TMEM135: variants seen among roughly 807,000 people sequenced by gnomAD.
TMEM135 encodes the protein peroxisomal membrane protein 52.
Under a neutral mutation model 60.3 loss-of-function variants are expected in TMEM135, and 30 were observed. The ratio of observed to expected loss-of-function variants is 0.50; its 90% CI spans 0.37 to 0.68. The LOEUF (loss-of-function observed/expected upper bound fraction) is 0.68. Ranked by LOEUF, TMEM135 falls within the 30% of genes least tolerant of loss-of-function variation. The pLI, the probability that TMEM135 is intolerant of heterozygous loss-of-function variation, is 0.00. For synonymous variants in TMEM135, 190 were observed against 186.7 expected, an observed-to-expected ratio of 1.02 and a Z score of -0.14; for missense variants, 468 against 548.8, an observed-to-expected ratio of 0.85 and a Z score of 1.47.
intron 4 of TMEM135, among the ~76,000 whole-genome samples, chr11:87,134,076 G>A (rs1938018021): frequency 6.6e-6 from 1 of 151,834 alleles, no homozygotes; most frequent in Non-Finnish European, 1.5e-5. Flanking sequence ...GCCATAACAA[G>A]TAACACAGAC....
intron 6 of TMEM135, among the ~76,000 whole-genome samples, chr11:87,284,677 T>C (rs73529596): frequency 7.0e-4 from 106 of 152,332 alleles, no homozygotes; most frequent in African/African-American, 2.5e-3. Context: ...GAAAATAATA[T>C]TTTTAATACA....
In TMEM135 at chr11:87,091,393, T is replaced by G. The variant is rs756583197; in HGVS notation, c.394T>G (p.Leu132Val). The G allele has an allele frequency of 6.2e-7, 1 of 1,612,284 alleles. No individual in the cohort carries two copies. Among genetic ancestry groups the G allele is most frequent in the Non-Finnish European group, 8.5e-7 (1 of 1,178,946 alleles). Residue 132 changes from leucine to valine, a missense_variant and splice_region_variant, in exon 4 of 15, where the codon TTG (leucine) becomes GTG (valine). Transcript: ENST00000305494. Reference protein sequence around the residue: ...RGLLTIYMANLATETLFRMGV... With the variant: ...RGLLTIYMANVATETLFRMGV... ...GCTGCTCACAATTTATATGGCCAAC[T>G]TGGTAAGTATTTTGTTTTAACCTTT...
intron 5 of TMEM135, among the ~76,000 whole-genome samples, chr11:87,222,169 G>C (rs1163173730): frequency 1.1e-5 from 1 of 93,790 alleles, no homozygotes; most frequent in Non-Finnish European, 2.1e-5. Flanking sequence ...GCGAAAGAGC[G>C]AGACTCTGTC....
intron 3 of TMEM135, among the ~76,000 whole-genome samples, chr11:87,083,947 TATA>T (rs1289067532): frequency 6.6e-6 from 1 of 152,104 alleles, no homozygotes; most frequent in African/African-American, 2.4e-5. Flanking sequence ...TTATAGAACA[TATA>T]ATTATTTTTA....
Position 87,326,559 on chromosome 11 carries a change from G to T in TMEM135, c.*5226G>T, listed in dbSNP as rs1942915307. The T allele has an allele frequency of 2.2e-6, 1 of 453,942 alleles. No individual in the cohort carries two copies. The highest frequency in any genetic ancestry group is 4.4e-6 in the Non-Finnish European group (1 of 226,772). The allele number at this position is 453,942 out of a possible 1,614,324, so 28.1% of individuals were successfully genotyped here. A position where few individuals can be genotyped will look rare whatever the true frequency, so the allele number is the denominator to read the frequency against. ...TCATTATGGGATTGGATGCCAAAAGGAATGGGAGAGAAGAGACTATAAACA... is the reference window on the plus strand; with the variant it reads ...TCATTATGGGATTGGATGCCAAAAGTAATGGGAGAGAAGAGACTATAAACA... On this transcript the variant is annotated 3_prime_UTR_variant, in exon 15 of 15. Transcript: ENST00000305494.
At chr11:87,254,010 G>A (rs1941473930) in intron 6 of TMEM135, among the ~76,000 whole-genome samples, 1 of 151,982 alleles carries the variant, frequency 6.6e-6, no homozygotes. Flanking sequence ...AAGCATTTCT[G>A]TTTTGAGCAA....
chr11:87,157,705 T>A (rs1938740176), intron 5 of TMEM135: 2 of 305,846 alleles, frequency 6.5e-6, no homozygotes, highest in African/African-American at 4.4e-5. Context: ...AAAGAATTCC[T>A]TAGCTTTTGC....
intron 5 of TMEM135, among the ~76,000 whole-genome samples, chr11:87,215,515 G>T (rs1335236133): frequency 1.4e-4 from 21 of 152,134 alleles, no homozygotes; most frequent in Admixed American, 1.4e-3. Context: ...TGTCATTGTT[G>T]CCTCTCATCC....
At chr11:87,242,683 A>C (rs999706075) in intron 6 of TMEM135, among the ~76,000 whole-genome samples, 2 of 143,704 alleles carry the variant, frequency 1.4e-5, no homozygotes, top group African/African-American at 5.2e-5. Context: ...TCCTTTGCCC[A>C]CTTTTTGATG....
intron 6 of TMEM135, among the ~76,000 whole-genome samples, chr11:87,271,675 T>G (rs1429749113): frequency 6.6e-6 from 1 of 152,222 alleles, no homozygotes; most frequent in Non-Finnish European, 1.5e-5. Context: ...GGCTCATGCC[T>G]GTAATCCTAG....
chr11:87,207,229 G>A (rs1361837092), intron 5 of TMEM135, among the ~76,000 whole-genome samples: 1 of 152,150 alleles, frequency 6.6e-6, no homozygotes. Context: ...AGGACTTTGG[G>A]TTCTTGGGAA....
intron 4 of TMEM135, among the ~76,000 whole-genome samples, chr11:87,098,695 A>G (rs1234955028): frequency 1.3e-5 from 2 of 151,732 alleles, no homozygotes; most frequent in South Asian, 2.1e-4. Context: ...TTATATATAT[A>G]TATATTTTTT....
At position 87,038,748 on chromosome 11, in the gene TMEM135, C is replaced by A. The variant is rs148501983; in HGVS notation, c.141+562C>A. Among the ~76,000 whole-genome samples, 979 of 151,570 alleles carry A rather than the reference C, an allele frequency of 6.5e-3. 4 individuals carry two copies. The highest frequency in any genetic ancestry group is 0.018 in the African/African-American group (761 of 41,294). ...TGTTTTTGCAAGTTCACAGAACAGA[C>A]TCCTGGGTTGAGATTGTGTGTGGTG... On this transcript the variant is annotated intron_variant, in intron 1 of 14. Coordinates refer to ENST00000305494, the MANE Select transcript of TMEM135 (RefSeq NM_022918.4).
At chr11:87,263,364 A>G (rs1041173825) in intron 6 of TMEM135, among the ~76,000 whole-genome samples, 3 of 152,134 alleles carry the variant, frequency 2.0e-5, no homozygotes, top group African/African-American at 7.2e-5. Context: ...TATCATCATC[A>G]CTGTCCTCTT....
At chr11:87,241,119 G>A (rs938893282) in intron 6 of TMEM135, among the ~76,000 whole-genome samples, 3 of 152,208 alleles carry the variant, frequency 2.0e-5, no homozygotes, top group Admixed American at 6.6e-5. Context: ...GTCTCAAGGT[G>A]TAGATTTAGT....
intron 4 of TMEM135, among the ~76,000 whole-genome samples, chr11:87,130,234 G>A (rs1344843683): frequency 6.6e-6 from 1 of 151,566 alleles, no homozygotes; most frequent in Non-Finnish European, 1.5e-5. Context: ...GTGATATCGA[G>A]GGCCCAGGCT....
intron 5 of TMEM135, among the ~76,000 whole-genome samples, chr11:87,166,929 A>G (rs891733311): frequency 3.9e-5 from 6 of 152,094 alleles, no homozygotes; most frequent in Non-Finnish European, 5.9e-5. Context: ...ACTTCTTCCT[A>G]TCCATGAGCA....
At chr11:87,240,099 G>A (rs943762631) in intron 6 of TMEM135, among the ~76,000 whole-genome samples, 2 of 152,028 alleles carry the variant, frequency 1.3e-5, no homozygotes, top group African/African-American at 4.8e-5. Flanking sequence ...CGAGGAGAGG[G>A]CTCTACTTCT....
At chr11:87,060,865 A>G (rs1387351957) in intron 1 of TMEM135, among the ~76,000 whole-genome samples, 1 of 151,876 alleles carries the variant, frequency 6.6e-6, no homozygotes, top group Non-Finnish European at 1.5e-5. Context: ...GGTGGTCTCA[A>G]TCTCCTGACC....
Sources: allele counts gnomAD v4.1 joint callset (sites outside exome capture counted in the v4.1 genomes callset), GRCh38; gene constraint gnomAD v4.1.1; transcripts MANE v1.5; gene names NCBI Gene and HGNC (gene_info 2026-07-23, HGNC 2026-07-21).